ZNF614: variants seen among roughly 807,000 people sequenced by gnomAD.
The protein encoded by ZNF614 is zinc finger protein 614.
A neutral mutation model predicts 12.8 loss-of-function variants in ZNF614; 11 were observed. The observed-to-expected ratio is 0.86, with a 90% CI of 0.54 to 1.43. The LOEUF (loss-of-function observed/expected upper bound fraction) is 1.43. Ranked by LOEUF, ZNF614 falls within the 40% of genes most tolerant of loss-of-function variation. The pLI is 0.00. For synonymous variants in ZNF614, 237 were observed against 237.5 expected, an observed-to-expected ratio of 1.00 and a Z score of 0.02; for missense variants, 664 against 708.8, an observed-to-expected ratio of 0.94 and a Z score of 0.72.
At chr19:52,018,153 T>C (rs771622425) in intron 3 of ZNF614, 50 bp from the exon 4 acceptor site, 1 of 1,524,970 alleles carries the variant, frequency 6.6e-7, no homozygotes, top group Non-Finnish European at 9.1e-7. Flanking sequence ...GAGTCCAGTA[T>C]GTCAAGATGG....
chr19:52,017,461 G>T (rs12976476), intron 4 of ZNF614, 102 bp from the exon 5 acceptor site: 1,139,463 of 1,139,498 alleles, frequency 1, 569,714 homozygotes, highest in East Asian at 1. Context: ...CCCAGCACTT[G>T]GGGAGGCTGA....
Position 52,013,359 on chromosome 19 carries a change from A to G in ZNF614, c.*2481T>C. 1 of 287,880 alleles carries G rather than the reference A, an allele frequency of 3.5e-6. No individual in the cohort carries two copies. The highest frequency in any genetic ancestry group is 6.8e-6 in the Non-Finnish European group (1 of 146,180). The allele number at this position is 287,880 out of a possible 1,614,324, so 17.8% of individuals were successfully genotyped here. Reference sequence around the variant, plus strand: ...AGCATCTTTATTTATAGCACTTAAAACCAGGAAAACAGTGCAAATATATCT... The same window carrying G: ...AGCATCTTTATTTATAGCACTTAAAGCCAGGAAAACAGTGCAAATATATCT... On this transcript the variant is annotated 3_prime_UTR_variant, in exon 5 of 5. Transcript: ENST00000270649.
intron 1 of ZNF614, among the ~76,000 whole-genome samples, chr19:52,027,584 A>C (rs1195055851): frequency 6.6e-6 from 1 of 152,192 alleles, no homozygotes; most frequent in Admixed American, 6.5e-5. Context: ...TCAGCCTCAT[A>C]GGCAGTCAAT....
chr19:52,024,534 G>GTA (rs140329431), intron 2 of ZNF614, among the ~76,000 whole-genome samples: 2,917 of 152,310 alleles, frequency 0.019, 87 homozygotes, highest in African/African-American at 0.067. Context: ...GTAGAAAGAA[G>GTA]TAGACGTAAG....
At chr19:52,017,679 T>G in intron 4 of ZNF614, 1 of 348,348 alleles carries the variant, frequency 2.9e-6, no homozygotes, top group Non-Finnish European at 5.1e-6. Context: ...CCAGCCTGGG[T>G]GATAGAGCGA....
At chr19:52,022,388 A>ACCG (rs1334807285) in intron 2 of ZNF614, among the ~76,000 whole-genome samples, 3 of 151,142 alleles carry the variant, frequency 2.0e-5, no homozygotes, top group Non-Finnish European at 4.4e-5. Context: ...GCCCCACACC[A>ACCG]CCGCCGCCAT....
rs946330118 is a variant in ZNF614 at position 52,016,144 on chromosome 19, C to G, written c.1454G>C (p.Cys485Ser). Residue 485 changes from cysteine to serine, a missense_variant, in exon 5 of 5, where the codon TGT becomes TCT. Cys to Ser is a moderately radical substitution (Grantham distance 112). Coordinates refer to ENST00000270649, the MANE Select transcript of ZNF614 (RefSeq NM_025040.4). Reference sequence around the variant, plus strand: ...TGAATAGGATTTTCCGCACTCGGTACATACAAAGGGAGTCTTTCCTGTATG... The same window carrying G: ...TGAATAGGATTTTCCGCACTCGGTAGATACAAAGGGAGTCTTTCCTGTATG... ...RCHTGKTPFV[C>S]TECGKSYSHK... The G allele has an allele frequency of 1.9e-6, 3 of 1,614,066 alleles. No homozygotes were observed. The African/African-American group carries it at 4.0e-5, about 22-fold the overall frequency.
rs35435347 is a variant in ZNF614 at position 52,020,601 on chromosome 19, T to C, written c.16-2107A>G. On this transcript the variant is annotated intron_variant, in intron 2 of 4. Coordinates refer to ENST00000270649, the MANE Select transcript of ZNF614 (RefSeq NM_025040.4). ...GATGTAGGCACAGTTTATTGAAGCA[T>C]TGCCCATGTAGCTGAGTTCAGTCTC... Among the ~76,000 whole-genome samples, 746 of 152,346 alleles carry C rather than the reference T, an allele frequency of 4.9e-3. 4 individuals carry two copies. The highest frequency in any genetic ancestry group is 9.0e-3 in the Non-Finnish European group (612 of 68,030).
At chr19:52,018,549 A>C in intron 2 of ZNF614, 55 bp from the exon 3 acceptor site, 1 of 1,517,112 alleles carries the variant, frequency 6.6e-7, no homozygotes, top group Non-Finnish European at 8.9e-7. Context: ...TTAATATAGA[A>C]GTATAAGATA....
In ZNF614 at chr19:52,015,384, GTAAAGACTTTGTCA is replaced by G. The variant is rs1180071347; in HGVS notation, c.*442_*455del. On this transcript the variant is annotated 3_prime_UTR_variant, in exon 5 of 5. Coordinates refer to ENST00000270649, the MANE Select transcript of ZNF614 (RefSeq NM_025040.4). Reference sequence around the variant, plus strand: ...ACACTCACTGAGGTCATATTTCTGAGTAAAGACTTTGTCATGGTCATCATGTTTCTATCAACAAT... The same window carrying G: ...ACACTCACTGAGGTCATATTTCTGAGTGGTCATCATGTTTCTATCAACAAT... 1 of 154,120 alleles carries G rather than the reference GTAAAGACTTTGTCA, an allele frequency of 6.5e-6. No homozygotes were observed. Among genetic ancestry groups the G allele is most frequent in the Non-Finnish European group, 1.4e-5 (1 of 69,404 alleles). 9.5% of individuals were successfully genotyped at this position (154,120 alleles called of 1,614,324 possible).
rs2086895597 is a variant in ZNF614, at chr19:52,016,200, CT to C, written c.1397del (p.Gln466ArgfsTer132). On this transcript the variant is annotated frameshift_variant, in exon 5 of 5. Transcript: ENST00000270649. LOFTEE classifies it low-confidence loss of function (END_TRUNC). ...TCTCATGTTGTATGAGGCATATTTT[CT>C]GGCTGAAGGCTTTACCACATTCATT... ...ECNECGKAFS[Q>X]KICLIQHERC... The C allele has an allele frequency of 6.2e-7, 1 of 1,614,176 alleles. No individual in the cohort carries two copies. Among genetic ancestry groups the C allele is most frequent in the Non-Finnish European group, 8.5e-7 (1 of 1,180,020 alleles).
rs1021782265 is a variant in ZNF614 at position 52,016,788 on chromosome 19, C to A, written c.810G>T (p.Val270=). 1.9e-6 allele frequency: 3 copies of A among 1,613,856 alleles called. No individual in the cohort carries two copies. The highest frequency in any genetic ancestry group is 1.7e-5 in the Admixed American group (1 of 59,992). ...GTTGATGTGTAATGAGACTACTCTT[C>A]ACAGTAGAGCCTTTTCTATATTCAT... ...IPNEYRKGST[V]KSSLITHQQT... is the part of the protein sequence containing the mutation. The change falls in exon 5 of 5, where the codon GTG becomes GTT. Residue 270 remains valine, a synonymous_variant. Coordinates refer to ENST00000270649, the MANE Select transcript of ZNF614 (RefSeq NM_025040.4).
intron 1 of ZNF614, among the ~76,000 whole-genome samples, chr19:52,026,803 C>A (rs1410088191): frequency 3.3e-5 from 5 of 152,248 alleles, no homozygotes; most frequent in Non-Finnish European, 5.9e-5. Flanking sequence ...GGAGGTGAGA[C>A]ATGCTGGTGG....
chr19:52,018,127 C>T, intron 3 of ZNF614, 24 bp from the exon 4 acceptor site: 1 of 1,595,624 alleles, frequency 6.3e-7, no homozygotes, highest in South Asian at 1.1e-5. Flanking sequence ...AAGACAAACA[C>T]AAACATCCTG....
Position 52,016,139 on chromosome 19 carries a change from C to T in ZNF614, c.1459G>A (p.Glu487Lys), listed in dbSNP as rs369045441. The T allele has an allele frequency of 1.5e-5, 24 of 1,613,970 alleles. No homozygotes were observed. The highest frequency in any genetic ancestry group is 3.3e-4 in the Middle Eastern group (2 of 6,084). The change falls in exon 5 of 5, where the codon GAG (glutamate) becomes AAG (lysine). Residue 487 changes from glutamate (E) to lysine (K), a missense_variant. By Grantham distance (56) the Glu-to-Lys change is moderately conservative. Transcript: ENST00000270649. ...TTGTGTGAATAGGATTTTCCGCACT[C>T]GGTACATACAAAGGGAGTCTTTCCT... is the stretch of plus-strand genomic sequence containing the variant. The part of the protein sequence containing the change: ...HTGKTPFVCT[E>K]CGKSYSHKYG...
rs547556860 is a variant in ZNF614, at chr19:52,016,345, T to G, written c.1253A>C (p.Gln418Pro). 6.2e-7 allele frequency: 1 copy of G among 1,610,734 alleles called. No homozygotes were observed. The highest frequency in any genetic ancestry group is 8.5e-7 in the Non-Finnish European group (1 of 1,177,542). ...FTVKRTLVIH[Q>P]RTHTGEKSYI... ...AGATTTCTCTCCTGTATGAGTTCGC[T>G]GATGTATAACGAGAGTGCGTTTGAC... The change falls in exon 5 of 5, where the codon CAG (glutamine) becomes CCG (proline). Residue 418 changes from glutamine (Q) to proline (P), a missense_variant. Transcript: ENST00000270649.
chr19:52,017,295 C>T lies in ZNF614; in HGVS notation c.303G>A (p.Val101=), dbSNP rs112159140. Reference sequence around the variant, plus strand: ...GTGTATTCTGTCCATTGCATTGCTGCACGCTCTTCAGAAGTCTTTGGTTTG... The same window carrying T: ...GTGTATTCTGTCCATTGCATTGCTGTACGCTCTTCAGAAGTCTTTGGTTTG... The part of the protein sequence containing the change: ...HSPNQRLLKS[V]QQCNGQNTLR... The change falls in exon 5 of 5, where the codon GTG becomes GTA. Residue 101 remains valine (V), a synonymous_variant. Transcript: ENST00000270649. 20 of 1,613,476 alleles carry T rather than the reference C, an allele frequency of 1.2e-5. No individual in the cohort carries two copies. Among genetic ancestry groups the T allele is most frequent in the African/African-American group, 1.2e-4 (9 of 74,928 alleles).
chr19:52,024,532 A>T (rs1341312979), intron 2 of ZNF614, among the ~76,000 whole-genome samples: 1 of 151,796 alleles, frequency 6.6e-6, no homozygotes, highest in African/African-American at 2.4e-5. Context: ...ATGTAGAAAG[A>T]AGTAGACGTA....
chr19:52,025,047 T>C (rs1236180839), intron 2 of ZNF614, among the ~76,000 whole-genome samples: 6 of 152,246 alleles, frequency 3.9e-5, no homozygotes, highest in African/African-American at 4.8e-5. Context: ...AGGCAGAGCT[T>C]GCAGTGAGCC....
Sources: gnomAD v4.1 joint callset for allele counts (sites outside exome capture counted in the v4.1 genomes callset) on GRCh38, gnomAD v4.1.1 for gene constraint, MANE v1.5 for transcripts, NCBI Gene and HGNC (gene_info 2026-07-23, HGNC 2026-07-21) for gene names.